Variants in GRID2 observed in about 807,000 individuals in gnomAD.
The protein encoded by GRID2 is glutamate ionotropic receptor delta type subunit 2, also known as glutamate receptor ionotropic, delta-2.
GRID2 carries 33 observed loss-of-function variants against 114.8 expected under a neutral mutation model. The observed-to-expected ratio is 0.29, with a 90% CI of 0.22 to 0.38. The LOEUF (loss-of-function observed/expected upper bound fraction) is 0.38. Among genes scored for constraint, GRID2 ranks in the 10% least tolerant of loss-of-function variants. GRID2 has a pLI of 1.00. For synonymous variants in GRID2, 505 were observed against 449.9 expected (o/e 1.12, Z -1.55); for missense variants, 1,184 against 1,257.7 (o/e 0.94, Z 0.89).
chr4:92,867,763 G>C (rs1381066812), intron 2 of GRID2, among the ~76,000 whole-genome samples: 1 of 152,034 alleles, frequency 6.6e-6, no homozygotes, highest in Non-Finnish European at 1.5e-5. Context: ...TTGAAGCTTC[G>C]TCTATATGAA....
At chr4:92,478,553 T>C (rs111729371) in intron 1 of GRID2, among the ~76,000 whole-genome samples, 9 of 152,126 alleles carry the variant, frequency 5.9e-5, no homozygotes, top group African/African-American at 2.2e-4. Flanking sequence ...ATCAAAACTC[T>C]GTCAGATGAT....
At chr4:92,307,151 A>T (rs1255209432) in intron 1 of GRID2, among the ~76,000 whole-genome samples, 1 of 152,158 alleles carries the variant, frequency 6.6e-6, no homozygotes, top group African/African-American at 2.4e-5. Context: ...GCACCAGTTA[A>T]CATGAATTGG....
intron 2 of GRID2, among the ~76,000 whole-genome samples, chr4:92,710,067 T>C (rs1735167825): frequency 6.6e-6 from 1 of 152,286 alleles, no homozygotes; most frequent in Non-Finnish European, 1.5e-5. Flanking sequence ...ATACAGTTTA[T>C]ATTACTTGTT....
chr4:93,277,400 T>A (rs1273714204), intron 8 of GRID2, among the ~76,000 whole-genome samples: 1 of 151,948 alleles, frequency 6.6e-6, no homozygotes, highest in Non-Finnish European at 1.5e-5. Context: ...TTCTAACTTA[T>A]TAAAGATATT....
intron 8 of GRID2, among the ~76,000 whole-genome samples, chr4:93,263,805 A>G (rs1430431708): frequency 6.6e-6 from 1 of 152,148 alleles, no homozygotes; most frequent in Non-Finnish European, 1.5e-5. Context: ...GTGAAAAGCC[A>G]AAAGTTTTAT....
At chr4:93,232,951 C>T (rs368343933) in intron 7 of GRID2, among the ~76,000 whole-genome samples, 5 of 152,022 alleles carry the variant, frequency 3.3e-5, no homozygotes, top group African/African-American at 1.2e-4. Flanking sequence ...TAATTACAAG[C>T]ATGATTTGTT....
At chr4:93,008,506 T>G in intron 2 of GRID2, among the ~76,000 whole-genome samples, 1 of 152,146 alleles carries the variant, frequency 6.6e-6, no homozygotes, top group East Asian at 1.9e-4. Context: ...CTTTTCAAAA[T>G]GAATGTGTTT....
chr4:93,587,810 A>G (rs977555758), intron 13 of GRID2, among the ~76,000 whole-genome samples: 3 of 152,126 alleles, frequency 2.0e-5, no homozygotes, highest in Non-Finnish European at 4.4e-5. Context: ...AATGCATTCA[A>G]TCACTCAAAG....
intron 9 of GRID2, among the ~76,000 whole-genome samples, chr4:93,396,974 A>G (rs1261863551): frequency 6.6e-6 from 1 of 151,968 alleles, no homozygotes; most frequent in East Asian, 1.9e-4. Context: ...ATTTTGAAAA[A>G]GATTTTCCTA....
intron 2 of GRID2, among the ~76,000 whole-genome samples, chr4:92,840,138 C>T (rs934473020): frequency 1.1e-4 from 16 of 151,990 alleles, no homozygotes; most frequent in Middle Eastern, 3.4e-3. Context: ...AGTATAGTGA[C>T]TCCTGCTTAT....
intron 2 of GRID2, among the ~76,000 whole-genome samples, chr4:92,729,677 T>G (rs1197480031): frequency 1.3e-5 from 2 of 152,086 alleles, no homozygotes; most frequent in Non-Finnish European, 2.9e-5. Context: ...AAATGTTAGC[T>G]GACTTCATAC....
intron 14 of GRID2, among the ~76,000 whole-genome samples, chr4:93,729,600 C>T (rs1243694760): frequency 1.3e-5 from 2 of 151,654 alleles, no homozygotes; most frequent in African/African-American, 4.9e-5. Context: ...GGCTGGAGTG[C>T]AGTGGCACGA....
intron 13 of GRID2, among the ~76,000 whole-genome samples, chr4:93,551,450 G>A (rs1375257977): frequency 6.6e-6 from 1 of 152,110 alleles, no homozygotes; most frequent in Non-Finnish European, 1.5e-5. Context: ...AGGCCCTGAA[G>A]TGAGATGAGC....
At chr4:92,386,347 C>A (rs1327861431) in intron 1 of GRID2, among the ~76,000 whole-genome samples, 1 of 151,588 alleles carries the variant, frequency 6.6e-6, no homozygotes, top group African/African-American at 2.4e-5. Flanking sequence ...CCATGTATAT[C>A]CTACAGTAGA....
At chr4:92,308,674 CT>C (rs900603784) in intron 1 of GRID2, among the ~76,000 whole-genome samples, 2 of 151,622 alleles carry the variant, frequency 1.3e-5, no homozygotes, top group African/African-American at 4.8e-5. Flanking sequence ...TACTTCTGCA[CT>C]AAGGATTATT....
chr4:93,053,873 A>T (rs1304124846), intron 2 of GRID2, among the ~76,000 whole-genome samples: 1 of 151,940 alleles, frequency 6.6e-6, no homozygotes, highest in African/African-American at 2.4e-5. Context: ...AATTAACAAT[A>T]TGTTATATTC....
intron 1 of GRID2, among the ~76,000 whole-genome samples, chr4:92,404,089 G>T (rs1159996310): frequency 2.6e-5 from 4 of 152,126 alleles, no homozygotes; most frequent in Admixed American, 2.0e-4. Flanking sequence ...CAAGCTGTTG[G>T]AAAAATGGCA....
At chr4:92,580,701 T>C (rs534146539) in intron 1 of GRID2, among the ~76,000 whole-genome samples, 165 of 151,856 alleles carry the variant, frequency 1.1e-3, no homozygotes, top group African/African-American at 3.7e-3. Context: ...CTTTGGCATA[T>C]GATTTTACTT....
chr4:93,129,617 C>T (rs1040446165), intron 4 of GRID2, among the ~76,000 whole-genome samples: 7 of 152,190 alleles, frequency 4.6e-5, no homozygotes, highest in African/African-American at 1.7e-4. Context: ...CCCAACAACA[C>T]TCCCAGGCAT....
Sources: allele counts gnomAD v4.1 joint callset (sites outside exome capture counted in the v4.1 genomes callset), GRCh38; gene constraint gnomAD v4.1.1; transcripts MANE v1.5; gene names NCBI Gene and HGNC (gene_info 2026-07-23, HGNC 2026-07-21).